Variants in GLUL observed in about 807,000 individuals in gnomAD.
GLUL encodes the protein glutamate-ammonia ligase, also known as glutamine synthetase.
A neutral mutation model predicts 36.9 loss-of-function variants in GLUL; 8 were observed. The observed-to-expected ratio is 0.22, with a 90% CI of 0.13 to 0.39. The LOEUF is 0.39. Ranked by LOEUF, GLUL falls within the 10% of genes least tolerant of loss-of-function variation. The pLI, the probability that GLUL is intolerant of heterozygous loss-of-function variation, is 1.00. For synonymous variants in GLUL, 182 were observed against 172.8 expected (o/e 1.05, Z -0.42); for missense variants, 315 against 501.8 (o/e 0.63, Z 3.56).
In GLUL at chr1:182,387,222, G is replaced by A. The variant is rs776287282; in HGVS notation, c.237C>T (p.Leu79=). The change falls in exon 3 of 7, where the codon CTC becomes CTT. Residue 79 remains leucine, a synonymous_variant. Coordinates refer to ENST00000331872, the MANE Select transcript of GLUL (RefSeq NM_001033044.4). ...GGTCCCGAAACATGGCAGCAGGCAC[G>A]AGATACATGTCACTGTTGGAACCCT... ...QSEGSNSDMY[L]VPAAMFRDPF... The A allele has an allele frequency of 1.5e-5, 24 of 1,611,148 alleles. No individual in the cohort carries two copies. Among genetic ancestry groups the A allele is most frequent in the Admixed American group, 8.3e-5 (5 of 59,988 alleles).
In GLUL at chr1:182,387,164, A is replaced by G. The variant is rs1234387289; in HGVS notation, c.295T>C (p.Cys99Arg). ...FRKDPNKLVL[C>R]EVFKYNRRPA... ...CTTCGATTGTACTTGAAAACTTCAC[A>G]TAACACCAGCTTGTTAGGGTCCTTA... The change falls in exon 3 of 7, where the codon TGT (cysteine) becomes CGT (arginine). Residue 99 changes from cysteine (C) to arginine (R), a missense_variant. This residue lies in a region of GLUL where 256 missense variants were observed against 396.1 expected (regional missense o/e 0.65). Transcript: ENST00000331872. The G allele has an allele frequency of 2.5e-6, 4 of 1,613,934 alleles. No individual in the cohort carries two copies. The highest frequency in any genetic ancestry group is 1.7e-5 in the Admixed American group (1 of 60,010).
rs1292340113 is a variant in GLUL at position 182,384,113 on chromosome 1, G to A, written c.*292C>T. 4.5e-5 allele frequency: 19 copies of A among 420,886 alleles called. No homozygotes were observed. Among genetic ancestry groups the A allele is most frequent in the South Asian group, 3.6e-4 (17 of 47,024 alleles). 26.1% of individuals were successfully genotyped at this position (420,886 alleles called of 1,614,324 possible). On this transcript the variant is annotated 3_prime_UTR_variant, in exon 7 of 7. Transcript: ENST00000331872. ...CCGGATAGCTACGCCTATTGGACAG[G>A]TGCACCCCATTAAATGGAAGCAGTG...
rs1287315875 is a variant in GLUL at position 182,391,262 on chromosome 1, C to T, written c.-14+417G>A. 1.3e-5 allele frequency: 5 copies of T among 398,784 alleles called. No homozygotes were observed. The East Asian group carries it at 1.4e-4, about 11-fold the overall frequency. The allele number at this position is 398,784 out of a possible 1,614,324, so 24.7% of individuals were successfully genotyped here. A position where few individuals can be genotyped will look rare whatever the true frequency, so the allele number is the denominator to read the frequency against. On this transcript the variant is annotated intron_variant, in intron 1 of 6. Transcript: ENST00000331872. ...CCCCACCACGAGGAAGGCAGCCAGG[C>T]GCCCGCGCCAACCAAGCGCCTTGTT... is the stretch of plus-strand genomic sequence containing the variant.
intron 1 of GLUL, 96 bp from the exon 2 acceptor site, chr1:182,388,846 G>C (rs1166537098): frequency 5.5e-6 from 5 of 914,196 alleles, no homozygotes; most frequent in Admixed American, 5.3e-5. Context: ...AAAAGTCAGA[G>C]TGTAAGTGCC....
chr1:182,390,763 G>GC (rs773013636), intron 1 of GLUL: 56 of 399,034 alleles, frequency 1.4e-4, no homozygotes, highest in Non-Finnish European at 2.2e-4. Context: ...AGCAGCTGGA[G>GC]CGCGACCCGG....
At chr1:182,391,282 C>T (rs952308331) in intron 1 of GLUL, 2 of 398,684 alleles carry the variant, frequency 5.0e-6, no homozygotes, top group Admixed American at 4.4e-5. Flanking sequence ...AACCAAGCGC[C>T]TTGTTTGCGC....
Position 182,380,872 on chromosome 1 carries a change from T to C in GLUL, c.*3533A>G, listed in dbSNP as rs1200431563. ...GGGGCAGCAAGTTACTTTCACTTAGTGGTAAAAGGGCCAAGAATAGTTCAG... is the reference window on the plus strand; with the variant it reads ...GGGGCAGCAAGTTACTTTCACTTAGCGGTAAAAGGGCCAAGAATAGTTCAG... On this transcript the variant is annotated 3_prime_UTR_variant, in exon 7 of 7. Transcript: ENST00000331872. 6.6e-6 allele frequency among the ~76,000 whole-genome samples: 1 copy of C among 152,234 alleles called. No homozygotes were observed. The highest frequency in any genetic ancestry group is 1.9e-4 in the East Asian group (1 of 5,200).
In GLUL at chr1:182,379,248, T is replaced by C. The variant is rs370656170; in HGVS notation, c.*5157A>G. 4.6e-5 allele frequency among the ~76,000 whole-genome samples: 7 copies of C among 151,726 alleles called. No homozygotes were observed. In the East Asian group the frequency reaches 9.8e-4, roughly 21 times the overall value. On this transcript the variant is annotated 3_prime_UTR_variant, in exon 7 of 7. Coordinates refer to ENST00000331872, the MANE Select transcript of GLUL (RefSeq NM_001033044.4). ...TTATTTATTTGTTTATTTTTTGATA[T>C]GTCTCACTCTTTTGCCCAGGCTGGA...
Position 182,379,176 on chromosome 1 carries a change from T to C in GLUL, c.*5229A>G, listed in dbSNP as rs111773080. ...CAGCTCAGATTGTTTTCAGTAGAAA[T>C]GTACGCAAAGTCTTTGGAGTTAAAT... On this transcript the variant is annotated 3_prime_UTR_variant, in exon 7 of 7. Transcript: ENST00000331872. Among the ~76,000 whole-genome samples, 1 of 152,172 alleles carries C rather than the reference T, an allele frequency of 6.6e-6. No homozygotes were observed. Among genetic ancestry groups the C allele is most frequent in the African/African-American group, 2.4e-5 (1 of 41,448 alleles).
At position 182,385,540 on chromosome 1, in the gene GLUL, C is replaced by G; in HGVS notation, c.620G>C (p.Gly207Ala). The change falls in exon 6 of 7, where the codon GGA becomes GCA. Residue 207 changes from glycine to alanine, a missense_variant. Gly to Ala is a moderately conservative substitution (Grantham distance 60). Coordinates refer to ENST00000331872, the MANE Select transcript of GLUL (RefSeq NM_001033044.4). ...TCCCATGCTGATTCCTTCACAAGGT[C>G]CAATCTGAAATTCCCACTAGAAACG... ...VMPAQWEFQI[G>A]PCEGISMGDH... 1 of 1,614,042 alleles carries G rather than the reference C, an allele frequency of 6.2e-7. No individual in the cohort carries two copies. The highest frequency in any genetic ancestry group is 8.5e-7 in the Non-Finnish European group (1 of 1,179,926).
chr1:182,388,942 C>T (rs1202996164), intron 1 of GLUL, 192 bp from the exon 2 acceptor site: 2 of 587,420 alleles, frequency 3.4e-6, no homozygotes, highest in Non-Finnish European at 6.2e-6. Context: ...AGGCAAAAAT[C>T]TCCTTTATAA....
chr1:182,388,911 C>T, intron 1 of GLUL, 161 bp from the exon 2 acceptor site: 1 of 669,150 alleles, frequency 1.5e-6, no homozygotes, highest in Non-Finnish European at 2.7e-6. Flanking sequence ...CTCACTCTTT[C>T]AGGGGGATTA....
chr1:182,380,813 G>A lies in GLUL; in HGVS notation c.*3592C>T, dbSNP rs61806927. On this transcript the variant is annotated 3_prime_UTR_variant, in exon 7 of 7. Coordinates refer to ENST00000331872, the MANE Select transcript of GLUL (RefSeq NM_001033044.4). The stretch of plus-strand genomic sequence containing the variant: ...CTCTTGCTTTCATGAAGTTCAACTA[G>A]AAAGTCCTGTCGAATGATGAGACAT... Among the ~76,000 whole-genome samples, 18,537 of 152,286 alleles carry A rather than the reference G, an allele frequency of 0.12. 1,426 individuals are homozygous for A. The highest frequency in any genetic ancestry group is 0.2 in the Admixed American group (3,053 of 15,296).
intron 1 of GLUL, chr1:182,390,729 TCA>T (rs1409774155): frequency 5.0e-6 from 2 of 399,012 alleles, no homozygotes; most frequent in Non-Finnish European, 8.8e-6. Context: ...TCCCCGGAGT[TCA>T]CAGAGTAGGC....
At chr1:182,389,180 A>C (rs1001245873) in intron 1 of GLUL, 1 of 200,530 alleles carries the variant, frequency 5.0e-6, no homozygotes, top group Non-Finnish European at 1.0e-5. Flanking sequence ...TCCAAATACT[A>C]AACTATCAGA....
Position 182,383,718 on chromosome 1 carries a change from T to G in GLUL, c.*687A>C, listed in dbSNP as rs546951174. The stretch of plus-strand genomic sequence containing the variant: ...CACATAATCCACAAAACCATACATA[T>G]AGTTTTTTGTCTTTACATTTAAATA... On this transcript the variant is annotated 3_prime_UTR_variant, in exon 7 of 7. Coordinates refer to ENST00000331872, the MANE Select transcript of GLUL (RefSeq NM_001033044.4). The G allele has an allele frequency of 1.3e-5, 2 of 152,442 alleles. No homozygotes were observed. Among genetic ancestry groups the G allele is most frequent in the African/African-American group, 2.4e-5 (1 of 41,492 alleles). The allele number at this position is 152,442 out of a possible 1,614,324, so 9.4% of individuals were successfully genotyped here.
rs1164271987 is a variant in GLUL, at chr1:182,378,985, G to A, written c.*5420C>T. Among the ~76,000 whole-genome samples, 1 of 151,940 alleles carries A rather than the reference G, an allele frequency of 6.6e-6. No individual in the cohort carries two copies. The highest frequency in any genetic ancestry group is 1.5e-5 in the Non-Finnish European group (1 of 67,966). On this transcript the variant is annotated 3_prime_UTR_variant, in exon 7 of 7. Coordinates refer to ENST00000331872, the MANE Select transcript of GLUL (RefSeq NM_001033044.4). ...TTAGTAGAGATGGGGTTTCACCATG[G>A]TGGCCAGGCTGGTCTCAAACTCCTG...
rs140747329 is a variant in GLUL at position 182,380,452 on chromosome 1, G to A, written c.*3953C>T. Among the ~76,000 whole-genome samples, 210 of 152,080 alleles carry A rather than the reference G, an allele frequency of 1.4e-3. 2 individuals are homozygous for A. The highest frequency in any genetic ancestry group is 4.8e-3 in the African/African-American group (200 of 41,452). On this transcript the variant is annotated 3_prime_UTR_variant, in exon 7 of 7. Transcript: ENST00000331872. Reference sequence around the variant, plus strand: ...CCTCCTGATAGCTGAGACTACAGGCGTGCAATTTAAAAAAAAATTATTTTG... The same window carrying A: ...CCTCCTGATAGCTGAGACTACAGGCATGCAATTTAAAAAAAAATTATTTTG...
In GLUL at chr1:182,379,272, GAGTGA is replaced by G. The variant is rs1201414068; in HGVS notation, c.*5128_*5132del. ...ATGTCTCACTCTTTTGCCCAGGCTG[GAGTGA>G]AGTGGAGTGATCTTTGCTTACTGTA... On this transcript the variant is annotated 3_prime_UTR_variant, in exon 7 of 7. Transcript: ENST00000331872. Among the ~76,000 whole-genome samples, 6 of 152,012 alleles carry G rather than the reference GAGTGA, an allele frequency of 3.9e-5. No individual in the cohort carries two copies. Among genetic ancestry groups the G allele is most frequent in the East Asian group, 1.9e-4 (1 of 5,188 alleles).
Sources: allele counts gnomAD v4.1 joint callset (sites outside exome capture counted in the v4.1 genomes callset), GRCh38; gene constraint gnomAD v4.1.1; regional missense constraint gnomAD v4.1.1; transcripts MANE v1.5; gene names NCBI Gene and HGNC (gene_info 2026-07-23, HGNC 2026-07-21).